Variants in MARCHF1 observed in about 807,000 individuals in gnomAD.
The protein encoded by MARCHF1 is membrane associated ring-CH-type finger 1, also known as E3 ubiquitin-protein ligase MARCHF1.
Under a neutral mutation model 54.2 loss-of-function variants are expected in MARCHF1, and 40 were observed. That is an observed-to-expected ratio of 0.74 (90% confidence interval 0.57 to 0.96). The LOEUF (loss-of-function observed/expected upper bound fraction) is 0.96. Ranked by LOEUF, MARCHF1 falls within the 40% of genes least tolerant of loss-of-function variation. The probability of loss-of-function intolerance (pLI) is 0.00; values close to 1 mark genes in which losing one functional copy is unlikely to be tolerated. For synonymous variants in MARCHF1, 236 were observed against 236.3 expected (o/e 1.00, Z 0.01); for missense variants, 586 against 656.5 (o/e 0.89, Z 1.17).
At chr4:163,581,126 G>C (rs1199008028) in intron 8 of MARCHF1, among the ~76,000 whole-genome samples, 1 of 152,190 alleles carries the variant, frequency 6.6e-6, no homozygotes, top group Non-Finnish European at 1.5e-5. Flanking sequence ...GATGTTTAAA[G>C]AGAGAATGTC....
rs183529314 is a variant in MARCHF1 at position 163,982,992 on chromosome 4, C to T, written c.-39+5509G>A. Among the ~76,000 whole-genome samples the T allele has an allele frequency of 3.3e-5, 5 of 152,240 alleles. No homozygotes were observed. In the East Asian group the frequency reaches 9.7e-4, roughly 29 times the overall value. ...CGGATTATTTTAAGCCAGTGAAGGC[C>T]CATCCCAAATCACATGACTGAGAAT... On this transcript the variant is annotated intron_variant, in intron 3 of 9. Transcript: ENST00000514618.
chr4:163,717,090 C>A (rs1046718828), intron 4 of MARCHF1, among the ~76,000 whole-genome samples: 1 of 151,078 alleles, frequency 6.6e-6, no homozygotes, highest in South Asian at 2.1e-4. Flanking sequence ...TGGTGTGCTG[C>A]ACCCATTAAC....
In MARCHF1 at chr4:163,528,438, G is replaced by GTCCA. The variant is rs1738217096; in HGVS notation, c.*306_*309dup. The GTCCA allele has an allele frequency of 3.5e-6, 1 of 288,852 alleles. No individual in the cohort carries two copies. The highest frequency in any genetic ancestry group is 6.5e-6 in the Non-Finnish European group (1 of 153,968). 17.9% of individuals were successfully genotyped at this position (288,852 alleles called of 1,614,324 possible). A position where few individuals can be genotyped will look rare whatever the true frequency, so the allele number is the denominator to read the frequency against. Reference sequence around the variant, plus strand: ...GTTACTGTGAAGAAGAGTATCATGGGTCCATTTAATCTTTGATTACTGCCT... The same window carrying GTCCA: ...GTTACTGTGAAGAAGAGTATCATGGGTCCATCCATTTAATCTTTGATTACTGCCT... On this transcript the variant is annotated 3_prime_UTR_variant, in exon 10 of 10. Transcript: ENST00000514618.
chr4:163,660,198 A>G (rs1743296136), intron 5 of MARCHF1, among the ~76,000 whole-genome samples: 1 of 152,118 alleles, frequency 6.6e-6, no homozygotes, highest in East Asian at 1.9e-4. Context: ...TGTGGCACAT[A>G]TATATGAAGG....
chr4:163,587,422 G>A (rs1740445883), intron 7 of MARCHF1, among the ~76,000 whole-genome samples: 1 of 152,146 alleles, frequency 6.6e-6, no homozygotes, highest in African/African-American at 2.4e-5. Flanking sequence ...TTACGCCATG[G>A]AATACTATGC....
chr4:163,941,159 G>C (rs1291855509), intron 3 of MARCHF1, among the ~76,000 whole-genome samples: 1 of 151,968 alleles, frequency 6.6e-6, no homozygotes, highest in East Asian at 1.9e-4. Flanking sequence ...GAAAGTCTAT[G>C]TCTTTATCTA....
chr4:163,674,578 T>C (rs1733778604), intron 5 of MARCHF1, among the ~76,000 whole-genome samples: 1 of 152,092 alleles, frequency 6.6e-6, no homozygotes, highest in South Asian at 2.1e-4. Context: ...GGTTTGGAGT[T>C]TTCTGCCTTG....
rs541188156 is a variant in MARCHF1 at position 164,001,514 on chromosome 4, T to C, written c.-247-12805A>G. ...ACTGTATGCAACTGTCGCTATAAACTACTATAAAACTAGACAAAATATATG... is the reference window on the plus strand; with the variant it reads ...ACTGTATGCAACTGTCGCTATAAACCACTATAAAACTAGACAAAATATATG... On this transcript the variant is annotated intron_variant, in intron 2 of 9. Transcript: ENST00000514618. Among the ~76,000 whole-genome samples, 10 of 151,968 alleles carry C rather than the reference T, an allele frequency of 6.6e-5. No individual in the cohort carries two copies. In the South Asian group the frequency reaches 1.7e-3, roughly 25 times the overall value.
At chr4:163,875,432 T>C (rs906350002) in intron 3 of MARCHF1, among the ~76,000 whole-genome samples, 1 of 152,130 alleles carries the variant, frequency 6.6e-6, no homozygotes, top group Non-Finnish European at 1.5e-5. Context: ...GAAATAACCT[T>C]AAATTGGTGA....
chr4:163,835,336 G>C (rs888243378), intron 4 of MARCHF1, among the ~76,000 whole-genome samples: 2 of 152,046 alleles, frequency 1.3e-5, no homozygotes, highest in African/African-American at 4.8e-5. Context: ...ATTTAAATAG[G>C]CAGACAGATG....
intron 2 of MARCHF1, among the ~76,000 whole-genome samples, chr4:164,063,814 G>C (rs1216578344): frequency 6.6e-6 from 1 of 151,742 alleles, no homozygotes; most frequent in East Asian, 1.9e-4. Context: ...TAGAATAACT[G>C]TCTTTTTTTT....
chr4:163,728,628 G>A lies in MARCHF1; in HGVS notation c.112-27765C>T, dbSNP rs542637279. The stretch of plus-strand genomic sequence containing the variant: ...ATTATTGGTATAGAGGAAAGTAATT[G>A]ACTTATATATATTAACCTTGTATCC... On this transcript the variant is annotated intron_variant, in intron 4 of 9. Coordinates refer to ENST00000514618, the MANE Select transcript of MARCHF1 (RefSeq NM_001394959.1). 6.6e-5 allele frequency among the ~76,000 whole-genome samples: 10 copies of A among 152,234 alleles called. No individual in the cohort carries two copies. In the South Asian group the frequency reaches 2.1e-3, roughly 32 times the overall value.
intron 1 of MARCHF1, among the ~76,000 whole-genome samples, chr4:164,138,989 T>C (rs1260881433): frequency 6.6e-6 from 1 of 152,230 alleles, no homozygotes; most frequent in Non-Finnish European, 1.5e-5. Context: ...TTCTAACTAC[T>C]CACTTGGCTT....
intron 2 of MARCHF1, among the ~76,000 whole-genome samples, chr4:164,066,554 A>G (rs4485778): frequency 0.062 from 9,463 of 152,308 alleles, 714 homozygotes; most frequent in African/African-American, 0.19. Context: ...TGTATTATAA[A>G]GACACATGTA....
At chr4:164,040,589 T>G (rs984160905) in intron 2 of MARCHF1, among the ~76,000 whole-genome samples, 2 of 151,620 alleles carry the variant, frequency 1.3e-5, no homozygotes, top group Non-Finnish European at 2.9e-5. Flanking sequence ...GAATGTGTGT[T>G]GATGGTTAAT....
intron 4 of MARCHF1, among the ~76,000 whole-genome samples, chr4:163,791,436 T>C (rs904375552): frequency 1.3e-5 from 2 of 152,174 alleles, no homozygotes; most frequent in Non-Finnish European, 2.9e-5. Flanking sequence ...TTAGTAGTTT[T>C]GTGCTCTGCA....
intron 2 of MARCHF1, among the ~76,000 whole-genome samples, chr4:164,091,871 TGTG>T (rs2111134431): frequency 7.3e-6 from 1 of 136,748 alleles, no homozygotes; most frequent in East Asian, 2.9e-4. Context: ...TTTGTGTGTG[TGTG>T]TGTGTGTGTG....
intron 1 of MARCHF1, among the ~76,000 whole-genome samples, chr4:164,233,534 C>T (rs1269794165): frequency 1.3e-5 from 2 of 152,130 alleles, no homozygotes; most frequent in Non-Finnish European, 2.9e-5. Context: ...CCTCTCATGA[C>T]ATACCATTAT....
intron 1 of MARCHF1, among the ~76,000 whole-genome samples, chr4:164,361,739 C>T (rs1730729340): frequency 1.3e-5 from 2 of 151,954 alleles, no homozygotes; most frequent in Non-Finnish European, 2.9e-5. Flanking sequence ...TAAACATGTA[C>T]AATTTTAAAT....
Sources: allele counts gnomAD v4.1 joint callset (sites outside exome capture counted in the v4.1 genomes callset), GRCh38; gene constraint gnomAD v4.1.1; transcripts MANE v1.5; gene names NCBI Gene and HGNC (gene_info 2026-07-23, HGNC 2026-07-21).